The following FOXN2 variants were observed in gnomAD, a reference collection of about 807,000 sequenced individuals.
FOXN2 encodes forkhead box protein N2.
A neutral mutation model predicts 41.2 loss-of-function variants in FOXN2; 19 were observed. The observed-to-expected ratio is 0.46, with a 90% CI of 0.32 to 0.68. FOXN2 has a LOEUF of 0.68. Among genes scored for constraint, FOXN2 ranks in the 30% least tolerant of loss-of-function variants. The pLI is 0.03. For missense variants in FOXN2, 587 were observed against 509.4 expected, an observed-to-expected ratio of 1.15 and a Z score of -1.47; for synonymous variants, 195 against 176.8, an observed-to-expected ratio of 1.10 and a Z score of -0.82.
intron 3 of FOXN2, among the ~76,000 whole-genome samples, chr2:48,353,371 C>T (rs1465994657): frequency 6.6e-6 from 1 of 152,138 alleles, no homozygotes; most frequent in Non-Finnish European, 1.5e-5. Flanking sequence ...CCTCAAAGCC[C>T]AGCTCAGAAG....
intron 2 of FOXN2, among the ~76,000 whole-genome samples, chr2:48,334,764 A>T (rs1302140251): frequency 6.6e-6 from 1 of 152,214 alleles, no homozygotes; most frequent in African/African-American, 2.4e-5. Flanking sequence ...TTTAGCAGGA[A>T]ATAGTCTTCC....
At chr2:48,361,454 G>A (rs896916291) in intron 4 of FOXN2, among the ~76,000 whole-genome samples, 11 of 149,640 alleles carry the variant, frequency 7.4e-5, no homozygotes, top group East Asian at 3.9e-4. Flanking sequence ...GCGACAGAGC[G>A]AGACTGTGTC....
rs1378401282 is a variant in FOXN2 at position 48,346,316 on chromosome 2, T to C, written c.102T>C (p.Pro34=). ...AGATTTACAAAATGGGAAGCTTGCC[T>C]GAAGCTGTTGATGCTGCCAGGCCGA... is the stretch of plus-strand genomic sequence containing the variant. ...LSQIYKMGSL[P]EAVDAARPKA... is the part of the protein sequence containing the mutation. Residue 34 remains proline (P), a synonymous_variant, in exon 3 of 7, where the codon CCT becomes CCC. Coordinates refer to ENST00000340553, the MANE Select transcript of FOXN2 (RefSeq NM_002158.4). 3 of 1,614,088 alleles carry C rather than the reference T, an allele frequency of 1.9e-6. No individual in the cohort carries two copies. Among genetic ancestry groups the C allele is most frequent in the Non-Finnish European group, 2.5e-6 (3 of 1,180,044 alleles).
chr2:48,359,362 C>T (rs903075631), intron 4 of FOXN2, among the ~76,000 whole-genome samples: 2 of 152,138 alleles, frequency 1.3e-5, no homozygotes, highest in African/African-American at 2.4e-5. Context: ...AGCGAGATCT[C>T]GGCTCACTGC....
At chr2:48,326,378 A>C (rs148702624) in intron 1 of FOXN2, among the ~76,000 whole-genome samples, 9 of 152,322 alleles carry the variant, frequency 5.9e-5, no homozygotes, top group African/African-American at 2.2e-4. Flanking sequence ...GGTCTTGTAT[A>C]CAAGGTTAAG....
intron 1 of FOXN2, among the ~76,000 whole-genome samples, chr2:48,322,509 G>A (rs764883818): frequency 6.6e-6 from 1 of 152,120 alleles, no homozygotes; most frequent in South Asian, 2.1e-4. Context: ...TCATGCTCAC[G>A]CTCACGCGGA....
Position 48,374,589 on chromosome 2 carries a change from G to C in FOXN2, c.773-331G>C, listed in dbSNP as rs538323383. Among the ~76,000 whole-genome samples, 78 of 152,232 alleles carry C rather than the reference G, an allele frequency of 5.1e-4. 1 individual carries two copies. The South Asian group carries it at 0.015, about 28-fold the overall frequency. On this transcript the variant is annotated intron_variant, in intron 6 of 6. Coordinates refer to ENST00000340553, the MANE Select transcript of FOXN2 (RefSeq NM_002158.4). ...TCCAGAAGGATTTGTATTGCAGCATGATTTATACTAATGAAAAATTGGAAA... is the reference window on the plus strand; with the variant it reads ...TCCAGAAGGATTTGTATTGCAGCATCATTTATACTAATGAAAAATTGGAAA...
intron 2 of FOXN2, among the ~76,000 whole-genome samples, chr2:48,344,900 C>T (rs970834484): frequency 7.1e-6 from 1 of 141,070 alleles, no homozygotes; most frequent in Non-Finnish European, 1.5e-5. Context: ...GGATAATAGT[C>T]GGTTTTTCAC....
intron 3 of FOXN2, among the ~76,000 whole-genome samples, chr2:48,351,181 C>CT (rs772494986): frequency 2.6e-5 from 4 of 152,084 alleles, no homozygotes; most frequent in Admixed American, 6.5e-5. Flanking sequence ...AGGCTGGTCT[C>CT]TAACTCCTGG....
intron 2 of FOXN2, among the ~76,000 whole-genome samples, chr2:48,334,090 G>A (rs1265274613): frequency 2.6e-5 from 4 of 152,066 alleles, no homozygotes; most frequent in Admixed American, 2.0e-4. Context: ...AGACCTTTCA[G>A]TATGGAGCAG....
Position 48,359,035 on chromosome 2 carries a change from A to G in FOXN2, c.538-12A>G, listed in dbSNP as rs374866461. 6.3e-7 allele frequency: 1 copy of G among 1,598,508 alleles called. No homozygotes were observed. Among genetic ancestry groups the G allele is most frequent in the Admixed American group, 1.7e-5 (1 of 59,048 alleles). Reference sequence around the variant, plus strand: ...TAAAAGTTCCTAGTTATTCTTGTGCATTTTATTCTAGGTTAATGGAAAAGG... The same window carrying G: ...TAAAAGTTCCTAGTTATTCTTGTGCGTTTTATTCTAGGTTAATGGAAAAGG... On this transcript the variant is annotated splice_polypyrimidine_tract_variant and intron_variant, in intron 3 of 6. Transcript: ENST00000340553.
At chr2:48,315,654 G>C (rs1668860869) in intron 1 of FOXN2, among the ~76,000 whole-genome samples, 1 of 152,214 alleles carries the variant, frequency 6.6e-6, no homozygotes, top group Admixed American at 6.5e-5. Flanking sequence ...AACCCGGCAG[G>C]ACGGTGGTAG....
chr2:48,374,520 A>T (rs566881203), intron 6 of FOXN2, among the ~76,000 whole-genome samples: 1 of 152,136 alleles, frequency 6.6e-6, no homozygotes, highest in Admixed American at 6.5e-5. Flanking sequence ...CAATTTTTTC[A>T]TATCTCTTTT....
Position 48,346,515 on chromosome 2 carries a change from T to C in FOXN2, c.301T>C (p.Tyr101His). 2 of 1,613,834 alleles carry C rather than the reference T, an allele frequency of 1.2e-6. No homozygotes were observed. The highest frequency in any genetic ancestry group is 1.7e-6 in the Non-Finnish European group (2 of 1,179,910). The change falls in exon 3 of 7, where the codon TAC becomes CAC. Residue 101 changes from tyrosine to histidine, a missense_variant. Coordinates refer to ENST00000340553, the MANE Select transcript of FOXN2 (RefSeq NM_002158.4). ...TGTGCCATCCTTTGGACCAGCTTGCTACCAGAACCCAGAAAAAAAATCAGC... is the reference window on the plus strand; with the variant it reads ...TGTGCCATCCTTTGGACCAGCTTGCCACCAGAACCCAGAAAAAAAATCAGC... ...DDVPSFGPAC[Y>H]QNPEKKSATS...
intron 1 of FOXN2, among the ~76,000 whole-genome samples, chr2:48,325,489 C>T (rs564343854): frequency 3.3e-5 from 5 of 151,646 alleles, no homozygotes; most frequent in African/African-American, 1.2e-4. Context: ...GAATAAATAC[C>T]GAAAGGAAAT....
chr2:48,358,880 AATCC>A (rs10549580), intron 3 of FOXN2, among the ~76,000 whole-genome samples, 163 bp from the exon 4 acceptor site: 63,808 of 151,732 alleles, frequency 0.42, 13,524 homozygotes, highest in Non-Finnish European at 0.46. Flanking sequence ...TCATAGGATG[AATCC>A]CTTTTAGTCA....
chr2:48,354,638 A>T (rs1407362458), intron 3 of FOXN2, among the ~76,000 whole-genome samples: 1 of 152,258 alleles, frequency 6.6e-6, no homozygotes, highest in Non-Finnish European at 1.5e-5. Flanking sequence ...ATGTTTAACA[A>T]CTGGCTAGGG....
chr2:48,319,506 C>G (rs1326556388), intron 1 of FOXN2, among the ~76,000 whole-genome samples: 1 of 151,810 alleles, frequency 6.6e-6, no homozygotes. Context: ...ACTGGGTTAA[C>G]TACAAAACAC....
chr2:48,359,162 T>C lies in FOXN2; in HGVS notation c.638+15T>C, dbSNP rs1387754726. ...TCTTCACAAAAGTAAGGATCTTCCATATAACTGTCAGTGGTGATTTATAGG... is the reference window on the plus strand; with the variant it reads ...TCTTCACAAAAGTAAGGATCTTCCACATAACTGTCAGTGGTGATTTATAGG... On this transcript the variant is annotated intron_variant, in intron 4 of 6. Transcript: ENST00000340553. The C allele has an allele frequency of 6.3e-7, 1 of 1,579,060 alleles. No individual in the cohort carries two copies. Among genetic ancestry groups the C allele is most frequent in the Non-Finnish European group, 8.7e-7 (1 of 1,148,556 alleles).
Sources: gnomAD v4.1 joint callset for allele counts (sites outside exome capture counted in the v4.1 genomes callset) on GRCh38, gnomAD v4.1.1 for gene constraint, MANE v1.5 for transcripts, NCBI Gene and HGNC (gene_info 2026-07-23, HGNC 2026-07-21) for gene names.